The following NIBAN1 variants were observed in gnomAD, a reference collection of about 807,000 sequenced individuals.
The protein encoded by NIBAN1 is protein Niban 1.
Under a neutral mutation model 75.1 loss-of-function variants are expected in NIBAN1, and 81 were observed. That is an observed-to-expected ratio of 1.08 (90% CI 0.90 to 1.30). The LOEUF (loss-of-function observed/expected upper bound fraction) is 1.30, where lower values mean the gene tolerates loss of function less well. NIBAN1 is among the 50% of genes most tolerant of loss of function. The pLI is 0.00. For synonymous variants in NIBAN1, 436 were observed against 424.8 expected (o/e 1.03, Z -0.32); for missense variants, 1,133 against 1,128.1 (o/e 1.00, Z -0.06).
At chr1:184,864,319 G>A (rs1176372126) in intron 5 of NIBAN1, among the ~76,000 whole-genome samples, 1 of 146,218 alleles carries the variant, frequency 6.8e-6, no homozygotes, top group East Asian at 2.0e-4. Flanking sequence ...ATTATAATTG[G>A]CAATCATACT....
chr1:184,894,006 C>A (rs1004444327), intron 3 of NIBAN1, 69 bp downstream of exon 3: 4 of 1,482,004 alleles, frequency 2.7e-6, no homozygotes, highest in Non-Finnish European at 3.6e-6. Context: ...AAGGAGAGGG[C>A]ACACCAATCA....
intron 1 of NIBAN1, among the ~76,000 whole-genome samples, chr1:184,929,869 C>T (rs1188300693): frequency 6.6e-6 from 1 of 152,222 alleles, no homozygotes; most frequent in Non-Finnish European, 1.5e-5. Flanking sequence ...GTGCTTGATG[C>T]TGTAAACATC....
intron 5 of NIBAN1, among the ~76,000 whole-genome samples, chr1:184,884,174 C>T (rs1656449023): frequency 1.3e-5 from 2 of 151,244 alleles, no homozygotes; most frequent in East Asian, 1.9e-4. Flanking sequence ...TCTCCCTTTA[C>T]CTGTTTCCCT....
At chr1:184,905,882 C>A (rs1300716618) in intron 1 of NIBAN1, among the ~76,000 whole-genome samples, 1 of 152,116 alleles carries the variant, frequency 6.6e-6, no homozygotes, top group African/African-American at 2.4e-5. Flanking sequence ...CAACAAAACC[C>A]ATGCCAATGC....
chr1:184,905,835 A>T (rs1041916137), intron 1 of NIBAN1, among the ~76,000 whole-genome samples: 3 of 152,224 alleles, frequency 2.0e-5, no homozygotes, highest in Non-Finnish European at 4.4e-5. Context: ...TGGCTGAGTA[A>T]ATATTCAAGA....
rs541417874 is a variant in NIBAN1 at position 184,791,336 on chromosome 1, C to G, written c.*3641G>C. 1.7e-4 allele frequency: 28 copies of G among 160,546 alleles called. No homozygotes were observed. The South Asian group carries it at 4.1e-3, about 24-fold the overall frequency. 9.9% of individuals were successfully genotyped at this position (160,546 alleles called of 1,614,324 possible). ...TATCACTTAACCTTATTATAATGAACGAAAATCACTTTTGTCTTGGGGAAT... is the reference window on the plus strand; with the variant it reads ...TATCACTTAACCTTATTATAATGAAGGAAAATCACTTTTGTCTTGGGGAAT... On this transcript the variant is annotated 3_prime_UTR_variant, in exon 14 of 14. Coordinates refer to ENST00000367511, the MANE Select transcript of NIBAN1 (RefSeq NM_052966.4).
intron 13 of NIBAN1, among the ~76,000 whole-genome samples, chr1:184,797,242 C>T (rs550987180): frequency 4.6e-5 from 7 of 150,922 alleles, no homozygotes; most frequent in South Asian, 2.1e-4. Context: ...TGGATTCAAG[C>T]GATTCTCCTA....
intron 1 of NIBAN1, among the ~76,000 whole-genome samples, chr1:184,933,540 C>G (rs1455710140): frequency 6.6e-6 from 1 of 152,200 alleles, no homozygotes; most frequent in Non-Finnish European, 1.5e-5. Flanking sequence ...TTACTCCACA[C>G]CACATCTTCA....
chr1:184,882,473 G>GT (rs1221955092), intron 5 of NIBAN1, among the ~76,000 whole-genome samples: 1 of 152,176 alleles, frequency 6.6e-6, no homozygotes, highest in East Asian at 1.9e-4. Context: ...TGGAAGTTAT[G>GT]CCAAATTAAG....
chr1:184,870,715 A>G (rs965475331), intron 5 of NIBAN1, among the ~76,000 whole-genome samples: 1 of 152,188 alleles, frequency 6.6e-6, no homozygotes, highest in African/African-American at 2.4e-5. Flanking sequence ...TTTCAACATC[A>G]TACAATTTTT....
chr1:184,946,864 G>A (rs1276385806), intron 1 of NIBAN1, among the ~76,000 whole-genome samples: 4 of 151,906 alleles, frequency 2.6e-5, no homozygotes, highest in African/African-American at 4.8e-5. Flanking sequence ...ACCTGAGGTC[G>A]GGAGTTTGAG....
intron 1 of NIBAN1, among the ~76,000 whole-genome samples, chr1:184,958,590 AT>A (rs1658550492): frequency 6.6e-6 from 1 of 152,210 alleles, no homozygotes; most frequent in Admixed American, 6.5e-5. Context: ...CTGGAAGAGC[AT>A]TTGATACCCT....
intron 5 of NIBAN1, among the ~76,000 whole-genome samples, chr1:184,872,478 G>A (rs1278469037): frequency 6.6e-6 from 1 of 152,174 alleles, no homozygotes; most frequent in East Asian, 1.9e-4. Flanking sequence ...GGCTGAGGCA[G>A]GTAGATCACT....
intron 1 of NIBAN1, among the ~76,000 whole-genome samples, chr1:184,946,236 G>A (rs538860026): frequency 6.2e-4 from 94 of 152,266 alleles, no homozygotes; most frequent in African/African-American, 2.1e-3. Flanking sequence ...TATTACTTTC[G>A]CAATTACTTC....
chr1:184,955,305 T>TC (rs1208148570), intron 1 of NIBAN1, among the ~76,000 whole-genome samples: 93 of 148,560 alleles, frequency 6.3e-4, no homozygotes, highest in Non-Finnish European at 9.9e-4. Context: ...TCTTTTCTTT[T>TC]CTTTTCCTTT....
Position 184,795,197 on chromosome 1 carries a change from C to T in NIBAN1, c.2567G>A (p.Ser856Asn), listed in dbSNP as rs111263230. Residue 856 changes from serine to asparagine, a missense_variant, in exon 14 of 14, where the codon AGC (serine) becomes AAC (asparagine). Transcript: ENST00000367511. ...LGSDPICLSE[S>N]QVSEEQEEMG... ...CTCTTCTTGTTCCTCAGAAACCTGG[C>T]TCTCACTGAGGCAGATGGGGTCAGA... 8.2e-4 allele frequency: 1,328 copies of T among 1,614,178 alleles called. 12 individuals are homozygous for T. In the African/African-American group the frequency reaches 0.015, roughly 18 times the overall value.
intron 5 of NIBAN1, among the ~76,000 whole-genome samples, chr1:184,839,952 A>G (rs1655240275): frequency 6.6e-6 from 1 of 152,072 alleles, no homozygotes. Flanking sequence ...CAAAGTTTAG[A>G]ATAATATAAT....
chr1:184,927,607 C>A (rs1657713890), intron 1 of NIBAN1, among the ~76,000 whole-genome samples: 1 of 152,156 alleles, frequency 6.6e-6, no homozygotes. Flanking sequence ...GACCGGAAGC[C>A]AGGCACAGCA....
At chr1:184,902,561 GAA>G (rs1281086864) in intron 1 of NIBAN1, among the ~76,000 whole-genome samples, 1 of 152,110 alleles carries the variant, frequency 6.6e-6, no homozygotes, top group Non-Finnish European at 1.5e-5. Context: ...CTGAACTAAG[GAA>G]TTAAGGAGAA....
Sources: allele counts gnomAD v4.1 joint callset (sites outside exome capture counted in the v4.1 genomes callset), GRCh38; gene constraint gnomAD v4.1.1; transcripts MANE v1.5; gene names NCBI Gene and HGNC (gene_info 2026-07-23, HGNC 2026-07-21).